The following STXBP5L variants were observed in gnomAD, a reference collection of about 807,000 sequenced individuals.
STXBP5L encodes the protein syntaxin binding protein 5L, also known as syntaxin-binding protein 5-like.
Under a neutral mutation model 144.5 loss-of-function variants are expected in STXBP5L, and 65 were observed. The ratio of observed to expected loss-of-function variants is 0.45; its 90% CI spans 0.37 to 0.55. The LOEUF (loss-of-function observed/expected upper bound fraction) is 0.55. Among genes scored for constraint, STXBP5L ranks in the 20% least tolerant of loss-of-function variants. The pLI is 0.00. For synonymous variants in STXBP5L, 505 were observed against 469.6 expected, an observed-to-expected ratio of 1.08 and a Z score of -0.97; for missense variants, 1,298 against 1,405.5, an observed-to-expected ratio of 0.92 and a Z score of 1.22.
intron 20 of STXBP5L, among the ~76,000 whole-genome samples, chr3:121,348,921 T>C (rs1349425645): frequency 1.3e-5 from 2 of 152,126 alleles, no homozygotes; most frequent in Non-Finnish European, 1.5e-5. Context: ...CCTGGATTCA[T>C]TGATTTTTTG....
chr3:120,928,637 AGAGTGT>A (rs2107610527), intron 2 of STXBP5L, among the ~76,000 whole-genome samples: 1 of 114,520 alleles, frequency 8.7e-6, no homozygotes, highest in African/African-American at 3.1e-5. Context: ...TATGGTATAC[AGAGTGT>A]GTGTGTGTGT....
At chr3:121,391,847 T>C (rs1309887500) in intron 22 of STXBP5L, among the ~76,000 whole-genome samples, 1 of 152,300 alleles carries the variant, frequency 6.6e-6, no homozygotes, top group East Asian at 1.9e-4. Context: ...TTCCAGTTAG[T>C]CTACATGGGG....
At chr3:121,210,589 T>C (rs1165968973) in intron 10 of STXBP5L, among the ~76,000 whole-genome samples, 2 of 152,152 alleles carry the variant, frequency 1.3e-5, no homozygotes, top group South Asian at 2.1e-4. Context: ...CTTTAATCCA[T>C]CTTGAATTAA....
chr3:121,139,648 G>A (rs899892296), intron 7 of STXBP5L, among the ~76,000 whole-genome samples: 1 of 151,842 alleles, frequency 6.6e-6, no homozygotes, highest in Non-Finnish European at 1.5e-5. Flanking sequence ...TAATTCAAAG[G>A]CAATGAGAAC....
intron 2 of STXBP5L, among the ~76,000 whole-genome samples, chr3:120,933,359 A>G (rs1361330584): frequency 6.6e-6 from 1 of 152,118 alleles, no homozygotes; most frequent in Non-Finnish European, 1.5e-5. Context: ...CTCAGAAGCT[A>G]AATTATCTGG....
intron 3 of STXBP5L, among the ~76,000 whole-genome samples, chr3:121,012,083 G>C (rs1944815915): frequency 6.6e-6 from 1 of 151,734 alleles, no homozygotes; most frequent in African/African-American, 2.4e-5. Flanking sequence ...GTAGTCTTTT[G>C]TGACTGACTT....
chr3:121,062,770 G>A (rs1303690387), intron 5 of STXBP5L, among the ~76,000 whole-genome samples: 1 of 151,846 alleles, frequency 6.6e-6, no homozygotes, highest in Non-Finnish European at 1.5e-5. Context: ...CTTCATTCTT[G>A]ACATTCTTTC....
intron 7 of STXBP5L, among the ~76,000 whole-genome samples, chr3:121,133,182 C>T (rs2045077079): frequency 6.6e-6 from 1 of 152,000 alleles, no homozygotes; most frequent in South Asian, 2.1e-4. Context: ...CCAGCCTGGA[C>T]AACATGACAA....
chr3:121,284,247 A>G (rs2051157868), intron 19 of STXBP5L, among the ~76,000 whole-genome samples: 1 of 151,798 alleles, frequency 6.6e-6, no homozygotes, highest in South Asian at 2.1e-4. Context: ...CCTCAAATGG[A>G]TTTTCTACTA....
chr3:121,095,781 C>G (rs547747045), intron 5 of STXBP5L, among the ~76,000 whole-genome samples: 2 of 152,190 alleles, frequency 1.3e-5, no homozygotes, highest in Non-Finnish European at 2.9e-5. Context: ...CTTCTTCTCT[C>G]AACTCGTCAA....
chr3:120,966,466 G>A (rs1031838368), intron 3 of STXBP5L, among the ~76,000 whole-genome samples: 5 of 152,272 alleles, frequency 3.3e-5, no homozygotes, highest in South Asian at 4.2e-4. Context: ...TGGGGTTTTG[G>A]TGTAGATGAC....
rs186192278 is a variant in STXBP5L at position 121,094,821 on chromosome 3, T to A, written c.471-20104T>A. The stretch of plus-strand genomic sequence containing the variant: ...TGAATTTGAACCTTTCATTATGATG[T>A]TAGGTGGTTATTTTGCTCGTTAGTT... On this transcript the variant is annotated intron_variant, in intron 5 of 26. Coordinates refer to ENST00000471454, the MANE Select transcript of STXBP5L (RefSeq NM_001308330.2). Among the ~76,000 whole-genome samples, 7 of 152,244 alleles carry A rather than the reference T, an allele frequency of 4.6e-5. No homozygotes were observed. The East Asian group carries it at 1.4e-3, about 29-fold the overall frequency.
intron 5 of STXBP5L, among the ~76,000 whole-genome samples, chr3:121,092,057 C>G (rs1435855662): frequency 2.6e-5 from 4 of 152,042 alleles, no homozygotes; most frequent in African/African-American, 9.7e-5. Flanking sequence ...GCTTGTTTTT[C>G]TCGGGTTTGT....
At chr3:121,135,703 T>C (rs1001875337) in intron 7 of STXBP5L, among the ~76,000 whole-genome samples, 2 of 152,196 alleles carry the variant, frequency 1.3e-5, no homozygotes, top group Non-Finnish European at 2.9e-5. Flanking sequence ...CAGATGACTC[T>C]TCACTTGCTT....
intron 20 of STXBP5L, among the ~76,000 whole-genome samples, chr3:121,347,305 G>T (rs1181040220): frequency 6.6e-6 from 1 of 152,112 alleles, no homozygotes; most frequent in East Asian, 1.9e-4. Context: ...CTGTTCCATT[G>T]ATCTATATCT....
chr3:121,341,935 C>T (rs937299976), intron 20 of STXBP5L, among the ~76,000 whole-genome samples: 52 of 151,964 alleles, frequency 3.4e-4, no homozygotes, highest in African/African-American at 1.3e-3. Flanking sequence ...CCTAGCACAA[C>T]ATGACTACAG....
At chr3:120,958,100 C>T (rs1011268584) in intron 3 of STXBP5L, among the ~76,000 whole-genome samples, 6 of 152,058 alleles carry the variant, frequency 3.9e-5, no homozygotes, top group Non-Finnish European at 7.4e-5. Flanking sequence ...TGCAGAAATA[C>T]AAACTACCAT....
intron 7 of STXBP5L, among the ~76,000 whole-genome samples, chr3:121,134,994 A>G (rs1229094476): frequency 6.7e-6 from 1 of 149,316 alleles, no homozygotes; most frequent in Admixed American, 6.9e-5. Flanking sequence ...GTCTTCCACA[A>G]TGGTTGAACT....
At chr3:121,009,577 A>C (rs903948950) in intron 3 of STXBP5L, among the ~76,000 whole-genome samples, 1 of 152,018 alleles carries the variant, frequency 6.6e-6, no homozygotes, top group Non-Finnish European at 1.5e-5. Context: ...TAAAAAGCGC[A>C]TTCTTATTTC....
Sources: allele counts gnomAD v4.1 joint callset (sites outside exome capture counted in the v4.1 genomes callset), GRCh38; gene constraint gnomAD v4.1.1; transcripts MANE v1.5; gene names NCBI Gene and HGNC (gene_info 2026-07-23, HGNC 2026-07-21).